The following CCDC141 variants were observed in gnomAD, a reference collection of about 807,000 sequenced individuals.
CCDC141 encodes coiled-coil domain-containing protein 141.
CCDC141 carries 168 observed loss-of-function variants against 181.0 expected under a neutral mutation model. That is an observed-to-expected ratio of 0.93 (90% CI 0.82 to 1.05). CCDC141 has a LOEUF of 1.05. Among genes scored for constraint, CCDC141 ranks in the 50% least tolerant of loss-of-function variants. The pLI, the probability that CCDC141 is intolerant of heterozygous loss-of-function variation, is 0.00. For synonymous variants in CCDC141, 666 were observed against 642.3 expected, an observed-to-expected ratio of 1.04 and a Z score of -0.56; for missense variants, 1,902 against 1,788.5, an observed-to-expected ratio of 1.06 and a Z score of -1.14.
intron 2 of CCDC141, among the ~76,000 whole-genome samples, chr2:179,019,144 A>T (rs1232781176): frequency 6.6e-6 from 1 of 152,112 alleles, no homozygotes; most frequent in Non-Finnish European, 1.5e-5. Flanking sequence ...AAGTCCAGCA[A>T]GCCAATATTA....
chr2:178,925,372 A>G (rs1470328866), intron 6 of CCDC141, among the ~76,000 whole-genome samples: 2 of 152,238 alleles, frequency 1.3e-5, no homozygotes, highest in Non-Finnish European at 2.9e-5. Context: ...ACTAAGCAGC[A>G]CTTTAGCAGC....
At chr2:178,978,853 G>C (rs1691240952) in intron 2 of CCDC141, among the ~76,000 whole-genome samples, 178 bp from the exon 3 acceptor site, 1 of 152,184 alleles carries the variant, frequency 6.6e-6, no homozygotes, top group Admixed American at 6.5e-5. Context: ...TCAGGATTGA[G>C]GTGAGCCAGG....
At chr2:178,907,340 A>T (rs1184780813) in intron 7 of CCDC141, among the ~76,000 whole-genome samples, 1 of 152,178 alleles carries the variant, frequency 6.6e-6, no homozygotes, top group African/African-American at 2.4e-5. Flanking sequence ...CAGATTTGGG[A>T]TTTATACCCA....
intron 2 of CCDC141, among the ~76,000 whole-genome samples, chr2:178,989,593 CAAAAA>C (rs1204459331): frequency 6.5e-5 from 5 of 76,590 alleles, no homozygotes; most frequent in African/African-American, 2.4e-4. Flanking sequence ...GACCCTGCCT[CAAAAA>C]AAAAAAAAAA....
chr2:178,931,571 C>G (rs151063497), intron 6 of CCDC141, among the ~76,000 whole-genome samples: 88 of 152,068 alleles, frequency 5.8e-4, no homozygotes, highest in African/African-American at 1.9e-3. Flanking sequence ...ACACAAAAAG[C>G]CATTAAATAT....
intron 2 of CCDC141, among the ~76,000 whole-genome samples, chr2:179,042,563 G>A (rs2043341395): frequency 6.6e-6 from 1 of 152,076 alleles, no homozygotes; most frequent in African/African-American, 2.4e-5. Flanking sequence ...AGCCAGGCTG[G>A]TCTCAAATTC....
chr2:178,850,108 C>A lies in CCDC141; in HGVS notation c.3298G>T (p.Val1100Phe), dbSNP rs1294086558. The A allele has an allele frequency of 5.0e-6, 8 of 1,611,716 alleles. No individual in the cohort carries two copies. The highest frequency in any genetic ancestry group is 2.2e-5 in the East Asian group (1 of 44,748). ...IEKIVTKHKE[V>F]LESVTELCES... Reference sequence around the variant, plus strand: ...CATAATTCAGTCACAGATTCAAGAACCTCTTTGTGTTTTGTCACTATTTTC... The same window carrying A: ...CATAATTCAGTCACAGATTCAAGAAACTCTTTGTGTTTTGTCACTATTTTC... The change falls in exon 21 of 24, where the codon GTT becomes TTT. Residue 1100 changes from valine to phenylalanine, a missense_variant. Val to Phe is a conservative substitution (Grantham distance 50). Transcript: ENST00000443758.
chr2:178,996,801 A>G (rs1692308364), intron 2 of CCDC141, among the ~76,000 whole-genome samples: 1 of 152,206 alleles, frequency 6.6e-6, no homozygotes, highest in African/African-American at 2.4e-5. Context: ...TTAATTTGAT[A>G]CAAATTACAC....
chr2:178,933,492 A>G (rs895652048), intron 6 of CCDC141, among the ~76,000 whole-genome samples: 7 of 152,172 alleles, frequency 4.6e-5, no homozygotes, highest in Non-Finnish European at 1.0e-4. Context: ...CTGTTGTTCT[A>G]TGGGAGTCAC....
At chr2:178,818,888 C>A in the CCDC141 span, among the ~76,000 whole-genome samples, 1 of 152,148 alleles carries the variant, frequency 6.6e-6, no homozygotes, top group Non-Finnish European at 1.5e-5. Flanking sequence ...AATTTACACT[C>A]CCCAAAACAG....
chr2:178,882,531 G>A (rs1390749474), intron 11 of CCDC141, among the ~76,000 whole-genome samples: 1 of 152,156 alleles, frequency 6.6e-6, no homozygotes, highest in Non-Finnish European at 1.5e-5. Context: ...TGGAGGACAG[G>A]TGAATATGTC....
intron 2 of CCDC141, among the ~76,000 whole-genome samples, chr2:178,990,903 G>A (rs139089793): frequency 3.3e-5 from 5 of 152,186 alleles, no homozygotes; most frequent in South Asian, 2.1e-4. Flanking sequence ...CATGTGAAAG[G>A]TGATCATATG....
the CCDC141 span, among the ~76,000 whole-genome samples, chr2:178,818,532 G>T: frequency 1.3e-5 from 2 of 152,074 alleles, no homozygotes; most frequent in African/African-American, 4.8e-5. Context: ...TGTGGTGTTT[G>T]GTTTTCTGTT....
chr2:178,905,532 C>A, intron 7 of CCDC141, 31 bp from the exon 8 acceptor site: 1 of 1,525,478 alleles, frequency 6.6e-7, no homozygotes, highest in Non-Finnish European at 8.8e-7. Flanking sequence ...TTATTTTCTG[C>A]TTCTCTAGTT....
At chr2:178,822,228 A>C in the CCDC141 span, among the ~76,000 whole-genome samples, 5 of 149,286 alleles carry the variant, frequency 3.3e-5, no homozygotes, top group African/African-American at 1.2e-4. Flanking sequence ...GGACACAGGA[A>C]GGGGAACATC....
At chr2:179,024,480 T>C (rs2042776572) in intron 2 of CCDC141, among the ~76,000 whole-genome samples, 1 of 152,168 alleles carries the variant, frequency 6.6e-6, no homozygotes, top group Non-Finnish European at 1.5e-5. Flanking sequence ...TGGATAGAAA[T>C]ATGTCCACAA....
intron 2 of CCDC141, among the ~76,000 whole-genome samples, chr2:178,996,580 A>G (rs759593286): frequency 2.0e-5 from 3 of 152,178 alleles, no homozygotes; most frequent in African/African-American, 4.8e-5. Context: ...CTTGTTAAAC[A>G]CATAAAATAA....
At chr2:178,858,768 T>C (rs975199435) in intron 17 of CCDC141, among the ~76,000 whole-genome samples, 11 of 152,204 alleles carry the variant, frequency 7.2e-5, no homozygotes, top group African/African-American at 2.6e-4. Context: ...GTCATATATT[T>C]TTCTCTACTG....
rs901448729 is a variant in CCDC141 at position 178,888,600 on chromosome 2, T to G, written c.1334A>C (p.Gln445Pro). The G allele has an allele frequency of 7.1e-6, 11 of 1,550,666 alleles. No homozygotes were observed. Among genetic ancestry groups the G allele is most frequent in the Non-Finnish European group, 9.6e-6 (11 of 1,146,912 alleles). The change falls in exon 9 of 24, where the codon CAG (glutamine) becomes CCG (proline). Residue 445 changes from glutamine to proline, a missense_variant. By Grantham distance (76) the Gln-to-Pro change is moderately conservative. Coordinates refer to ENST00000443758, the MANE Select transcript of CCDC141 (RefSeq NM_173648.4). ...IKRRVDHLTE[Q>P]CSAHKEYALK... ...AGCATATTCCTTGTGCGCTGAACAC[T>G]GTTCGGTCAGATGATCCACTCGTCT...
Sources: gnomAD v4.1 joint callset for allele counts (sites outside exome capture counted in the v4.1 genomes callset) on GRCh38, gnomAD v4.1.1 for gene constraint, MANE v1.5 for transcripts, NCBI Gene and HGNC (gene_info 2026-07-23, HGNC 2026-07-21) for gene names.